HECW1: variants seen among roughly 807,000 people sequenced by gnomAD.
HECW1 encodes the protein HECT, C2 and WW domain containing E3 ubiquitin protein ligase 1.
In HECW1, 61 loss-of-function variants were observed where a neutral mutation model predicts 182.3. The observed-to-expected ratio is 0.33, with a 90% CI of 0.27 to 0.41. The LOEUF is 0.41. Ranked by LOEUF, HECW1 falls within the 10% of genes least tolerant of loss-of-function variation. The probability of loss-of-function intolerance (pLI) is 1.00; values close to 1 mark genes in which losing one functional copy is unlikely to be tolerated. For missense variants in HECW1, 1,739 were observed against 2,108.9 expected (o/e 0.82, Z 3.44); for synonymous variants, 859 against 832.6 (o/e 1.03, Z -0.55).
At chr7:43,466,879 C>G (rs992484728) in intron 15 of HECW1, among the ~76,000 whole-genome samples, 1 of 152,180 alleles carries the variant, frequency 6.6e-6, no homozygotes, top group African/African-American at 2.4e-5. Flanking sequence ...ATGAATTGGC[C>G]AGATTCCCTT....
chr7:43,509,506 G>T, intron 24 of HECW1: 1 of 159,846 alleles, frequency 6.3e-6, no homozygotes, highest in Non-Finnish European at 1.4e-5. Context: ...TTAGCACTGT[G>T]GACACTGGCT....
At chr7:43,181,059 C>A (rs934044939) in intron 2 of HECW1, among the ~76,000 whole-genome samples, 1 of 151,296 alleles carries the variant, frequency 6.6e-6, no homozygotes, top group East Asian at 1.9e-4. Context: ...TCTATGAGAT[C>A]AACTTTTTAA....
chr7:43,286,151 T>A (rs1242169817), intron 3 of HECW1, among the ~76,000 whole-genome samples: 1 of 151,934 alleles, frequency 6.6e-6, no homozygotes, highest in Non-Finnish European at 1.5e-5. Flanking sequence ...CCTGAGAGGG[T>A]GGATGACTTG....
intron 5 of HECW1, among the ~76,000 whole-genome samples, chr7:43,354,881 G>A (rs1281029959): frequency 6.6e-6 from 1 of 152,064 alleles, no homozygotes; most frequent in Non-Finnish European, 1.5e-5. Flanking sequence ...AACTTTCAAA[G>A]GTCAAGGACA....
intron 5 of HECW1, among the ~76,000 whole-genome samples, chr7:43,334,336 G>A (rs1340015295): frequency 6.6e-6 from 1 of 152,154 alleles, no homozygotes; most frequent in Non-Finnish European, 1.5e-5. Flanking sequence ...CAACAACCAG[G>A]AAAGTGTTCA....
chr7:43,278,381 G>A (rs756712987), intron 3 of HECW1, among the ~76,000 whole-genome samples: 3 of 151,922 alleles, frequency 2.0e-5, no homozygotes, highest in Non-Finnish European at 2.9e-5. Flanking sequence ...ATCGTCTCTC[G>A]GCACATCCGC....
At chr7:43,554,565 CTT>C in intron 28 of HECW1, 25 bp from the exon 29 acceptor site, 1 of 1,594,528 alleles carries the variant, frequency 6.3e-7, no homozygotes, top group Non-Finnish European at 8.6e-7. Flanking sequence ...CACATCCTGT[CTT>C]CCTCCCTCCC....
At chr7:43,335,112 C>T (rs1352247058) in intron 5 of HECW1, among the ~76,000 whole-genome samples, 1 of 152,020 alleles carries the variant, frequency 6.6e-6, no homozygotes, top group Non-Finnish European at 1.5e-5. Flanking sequence ...TAGATTATGT[C>T]AATTCTTTTT....
intron 6 of HECW1, among the ~76,000 whole-genome samples, chr7:43,370,592 A>C: frequency 6.6e-6 from 1 of 152,228 alleles, no homozygotes; most frequent in East Asian, 1.9e-4. Context: ...ACTTGGAGGC[A>C]TCTTGGATGC....
intron 8 of HECW1, among the ~76,000 whole-genome samples, chr7:43,418,716 C>T (rs1335975073): frequency 6.6e-6 from 1 of 151,914 alleles, no homozygotes; most frequent in Admixed American, 6.6e-5. Flanking sequence ...CTATATTCAT[C>T]ATAAGTTAAT....
intron 3 of HECW1, among the ~76,000 whole-genome samples, chr7:43,264,644 GA>G (rs1801552468): frequency 1.3e-5 from 2 of 152,016 alleles, no homozygotes; most frequent in Admixed American, 1.3e-4. Flanking sequence ...AGGAGACCAA[GA>G]CCATCCTGGC....
intron 6 of HECW1, among the ~76,000 whole-genome samples, chr7:43,393,947 A>G (rs1351135139): frequency 6.6e-6 from 1 of 152,220 alleles, no homozygotes; most frequent in Non-Finnish European, 1.5e-5. Flanking sequence ...TCTATAAACT[A>G]TAATTATTAA....
intron 2 of HECW1, among the ~76,000 whole-genome samples, chr7:43,198,059 C>G (rs1354344616): frequency 6.6e-6 from 1 of 151,136 alleles, no homozygotes; most frequent in Non-Finnish European, 1.5e-5. Flanking sequence ...AGTCACACAC[C>G]CCACACACAC....
chr7:43,251,814 G>A (rs750559175), intron 3 of HECW1, among the ~76,000 whole-genome samples: 4 of 152,090 alleles, frequency 2.6e-5, no homozygotes, highest in Non-Finnish European at 5.9e-5. Context: ...TAGCTGAAGC[G>A]CATGTTATTT....
chr7:43,373,118 C>T (rs2074177974), intron 6 of HECW1, among the ~76,000 whole-genome samples: 1 of 151,814 alleles, frequency 6.6e-6, no homozygotes, highest in Non-Finnish European at 1.5e-5. Flanking sequence ...GCAAAGCAGA[C>T]TAACGGTGCT....
At chr7:43,256,350 C>T (rs1800570816) in intron 3 of HECW1, among the ~76,000 whole-genome samples, 1 of 152,090 alleles carries the variant, frequency 6.6e-6, no homozygotes, top group Non-Finnish European at 1.5e-5. Context: ...TGGTTCACAC[C>T]TGTAATCCCA....
rs1804940391 is a variant in HECW1, at chr7:43,288,376, ATTC to A, written c.28-23382_28-23380del. Among the ~76,000 whole-genome samples the A allele has an allele frequency of 2.6e-5, 4 of 152,234 alleles. 1 individual carries two copies. The South Asian group carries it at 6.2e-4, about 24-fold the overall frequency. On this transcript the variant is annotated intron_variant, in intron 3 of 29. Transcript: ENST00000395891. ...AAAATCCCCAGGCAATACTGGTAGTATTCTTCTCTCTTGACATTTTTCTGCAAA... is the reference window on the plus strand; with the variant it reads ...AAAATCCCCAGGCAATACTGGTAGTATTCTCTCTTGACATTTTTCTGCAAA...
intron 24 of HECW1, among the ~76,000 whole-genome samples, chr7:43,534,154 C>G (rs1166133380): frequency 6.6e-6 from 1 of 152,146 alleles, no homozygotes; most frequent in Non-Finnish European, 1.5e-5. Flanking sequence ...AACTAGAAGG[C>G]TTTTAAAGTC....
chr7:43,237,391 T>TC (rs1468956121), intron 2 of HECW1, among the ~76,000 whole-genome samples: 1 of 152,176 alleles, frequency 6.6e-6, no homozygotes, highest in Non-Finnish European at 1.5e-5. Context: ...TCGGTGTGTC[T>TC]CCCCTCCTGA....
Sources: allele counts gnomAD v4.1 joint callset (sites outside exome capture counted in the v4.1 genomes callset), GRCh38; gene constraint gnomAD v4.1.1; transcripts MANE v1.5; gene names NCBI Gene and HGNC (gene_info 2026-07-23, HGNC 2026-07-21).